Variants in ZNF420 observed in about 807,000 individuals in gnomAD.
ZNF420 encodes ATM and p53-associated KZNF protein.
Under a neutral mutation model 44.7 loss-of-function variants are expected in ZNF420, and 31 were observed. The ratio of observed to expected loss-of-function variants is 0.69; its 90% CI spans 0.52 to 0.94. The LOEUF is 0.94. Among genes scored for constraint, ZNF420 ranks in the 40% least tolerant of loss-of-function variants. The probability of loss-of-function intolerance (pLI) is 0.00; values close to 1 mark genes in which losing one functional copy is unlikely to be tolerated. For synonymous variants in ZNF420, 245 were observed against 267.4 expected, an observed-to-expected ratio of 0.92 and a Z score of 0.82; for missense variants, 681 against 827.9, an observed-to-expected ratio of 0.82 and a Z score of 2.18.
At chr19:37,121,714 G>A (rs543486634) in intron 4 of ZNF420, among the ~76,000 whole-genome samples, 49 of 152,206 alleles carry the variant, frequency 3.2e-4, no homozygotes, top group African/African-American at 8.7e-4. Flanking sequence ...GAAAATTTTC[G>A]CAACCTACTC....
chr19:37,091,018 T>G lies in ZNF420; in HGVS notation c.33T>G (p.Val11=). 1 of 1,613,532 alleles carries G rather than the reference T, an allele frequency of 6.2e-7. No homozygotes were observed. Among genetic ancestry groups the G allele is most frequent in the Non-Finnish European group, 8.5e-7 (1 of 1,179,844 alleles). Residue 11 remains valine (V), a synonymous_variant, in exon 4 of 5, where the codon GTT becomes GTG. Transcript: ENST00000337995. MARKLVMFRD[V]AIDFSQEEWE... ...AGAAATTAGTGATGTTCAGGGATGTTGCCATTGACTTCTCTCAGGAAGAGT... is the reference window on the plus strand; with the variant it reads ...AGAAATTAGTGATGTTCAGGGATGTGGCCATTGACTTCTCTCAGGAAGAGT...
chr19:37,070,561 T>C (rs1016680977), intron 1 of ZNF420, among the ~76,000 whole-genome samples: 2 of 152,172 alleles, frequency 1.3e-5, no homozygotes, highest in Non-Finnish European at 2.9e-5. Context: ...AGTCCTATAA[T>C]AATAAAAAGA....
At chr19:37,057,769 A>G (rs1485660948) in intron 1 of ZNF420, among the ~76,000 whole-genome samples, 1 of 152,028 alleles carries the variant, frequency 6.6e-6, no homozygotes, top group African/African-American at 2.4e-5. Context: ...AATCAAGATG[A>G]CCACACTTCA....
At chr19:37,074,630 T>C (rs1968116170), upstream of ZNF420, among the ~76,000 whole-genome samples, 1 of 152,208 alleles carries the variant, frequency 6.6e-6, no homozygotes. Flanking sequence ...ATATATTAGA[T>C]AATATTATGA....
At chr19:37,011,478 G>A (rs1399546104) in intron 1 of ZNF420, among the ~76,000 whole-genome samples, 3 of 152,212 alleles carry the variant, frequency 2.0e-5, no homozygotes, top group African/African-American at 4.8e-5. Flanking sequence ...TGCCATGAAT[G>A]TCAGGGAGCC....
At chr19:37,105,601 ATTGATTC>A (rs1174978715) in intron 4 of ZNF420, among the ~76,000 whole-genome samples, 9 of 151,908 alleles carry the variant, frequency 5.9e-5, no homozygotes, top group Admixed American at 3.3e-4. Flanking sequence ...TGGCCATTTT[ATTGATTC>A]TTGATTCATC....
intron 4 of ZNF420, among the ~76,000 whole-genome samples, chr19:37,118,749 G>A (rs1170589309): frequency 6.6e-6 from 1 of 151,632 alleles, no homozygotes; most frequent in Non-Finnish European, 1.5e-5. Flanking sequence ...GACACACATA[G>A]GCTCAAAATA....
At chr19:37,086,957 T>G (rs1035817417) in intron 2 of ZNF420, among the ~76,000 whole-genome samples, 1 of 152,160 alleles carries the variant, frequency 6.6e-6, no homozygotes, top group Admixed American at 6.5e-5. Flanking sequence ...GTTTAAGCTC[T>G]GCCATAGATG....
intron 1 of ZNF420, among the ~76,000 whole-genome samples, chr19:37,055,791 G>A (rs1332817218): frequency 6.6e-6 from 1 of 152,186 alleles, no homozygotes; most frequent in Non-Finnish European, 1.5e-5. Flanking sequence ...GAGACACGGA[G>A]GGGCAAACAG....
At chr19:37,090,685 G>T (rs1291928438) in intron 3 of ZNF420, among the ~76,000 whole-genome samples, 1 of 152,078 alleles carries the variant, frequency 6.6e-6, no homozygotes, top group Admixed American at 6.5e-5. Flanking sequence ...ACTTTGGGAG[G>T]CCTAGTCGGG....
chr19:37,025,121 A>G (rs1217813748), intron 1 of ZNF420: 4 of 338,640 alleles, frequency 1.2e-5, no homozygotes, highest in Admixed American at 7.6e-5. Context: ...GCCTTGTCAC[A>G]TTCCAAACAT....
chr19:37,121,773 A>G (rs1405245905), intron 4 of ZNF420, among the ~76,000 whole-genome samples: 6 of 152,178 alleles, frequency 3.9e-5, no homozygotes, highest in Non-Finnish European at 8.8e-5. Flanking sequence ...TCAAATTTAC[A>G]AGAAAAAAAC....
At chr19:37,123,843 C>T (rs1280178437) in intron 4 of ZNF420, among the ~76,000 whole-genome samples, 1 of 151,596 alleles carries the variant, frequency 6.6e-6, no homozygotes, top group African/African-American at 2.4e-5. Flanking sequence ...CTCCTGACCT[C>T]GTAATCCGCC....
At chr19:37,079,947 T>A (rs1284124374) in intron 1 of ZNF420, among the ~76,000 whole-genome samples, 1 of 152,060 alleles carries the variant, frequency 6.6e-6, no homozygotes, top group African/African-American at 2.4e-5. Context: ...TGAGCCAAGA[T>A]CAAGCCACTG....
At chr19:37,064,438 C>A (rs1041514041) in intron 1 of ZNF420, among the ~76,000 whole-genome samples, 4 of 152,050 alleles carry the variant, frequency 2.6e-5, no homozygotes, top group Admixed American at 6.6e-5. Context: ...TTAACAGGTT[C>A]CTATCATTCT....
chr19:37,070,239 A>T (rs1403102700), intron 1 of ZNF420, among the ~76,000 whole-genome samples: 1 of 152,144 alleles, frequency 6.6e-6, no homozygotes, highest in Non-Finnish European at 1.5e-5. Context: ...ATAACACAGA[A>T]ATTGTATCTC....
upstream of ZNF420, among the ~76,000 whole-genome samples, chr19:37,073,751 GAAA>G (rs71177422): frequency 9.9e-6 from 1 of 100,646 alleles, no homozygotes; most frequent in African/African-American, 3.5e-5. Context: ...CCTGAAAAAA[GAAA>G]AAAAAAAAAA....
chr19:37,009,151 C>T (rs990263287), intron 1 of ZNF420, among the ~76,000 whole-genome samples: 3 of 152,178 alleles, frequency 2.0e-5, no homozygotes, highest in Admixed American at 2.0e-4. Flanking sequence ...TTCCTCTGCT[C>T]CTGGGTGGAC....
intron 1 of ZNF420, among the ~76,000 whole-genome samples, chr19:37,064,100 C>T (rs1967925919): frequency 6.6e-6 from 1 of 152,180 alleles, no homozygotes; most frequent in Non-Finnish European, 1.5e-5. Context: ...CTATCAGGGG[C>T]ACATGATGAC....
Sources: allele counts gnomAD v4.1 joint callset (sites outside exome capture counted in the v4.1 genomes callset), GRCh38; gene constraint gnomAD v4.1.1; transcripts MANE v1.5; gene names NCBI Gene and HGNC (gene_info 2026-07-23, HGNC 2026-07-21).